KL: variants seen among roughly 807,000 people sequenced by gnomAD.
The protein encoded by KL is alpha-klotho.
Under a neutral mutation model 84.2 loss-of-function variants are expected in KL, and 62 were observed. That is an observed-to-expected ratio of 0.74 (90% CI 0.60 to 0.91). The LOEUF (loss-of-function observed/expected upper bound fraction) is 0.91, where lower values mean the gene tolerates loss of function less well. Ranked by LOEUF, KL falls within the 40% of genes least tolerant of loss-of-function variation. The probability of loss-of-function intolerance (pLI) is 0.00; values close to 1 mark genes in which losing one functional copy is unlikely to be tolerated. For missense variants in KL, 1,261 were observed against 1,305.7 expected, an observed-to-expected ratio of 0.97 and a Z score of 0.53; for synonymous variants, 528 against 528.0, an observed-to-expected ratio of 1.00 and a Z score of 0.00.
In KL at chr13:33,060,819, C is replaced by G; in HGVS notation, c.1740C>G (p.Pro580=). 1 of 1,614,184 alleles carries G rather than the reference C, an allele frequency of 6.2e-7. No individual in the cohort carries two copies. The highest frequency in any genetic ancestry group is 1.1e-5 in the South Asian group (1 of 91,082). ...SYCVDFAAIQ[P]QIALLQEMHV... ...GTGTTGACTTTGCTGCCATCCAGCC[C>G]CAGATCGCTTTACTCCAGGAAATGC... Residue 580 remains proline, a synonymous_variant, in exon 4 of 5, where the codon CCC becomes CCG. Coordinates refer to ENST00000380099, the MANE Select transcript of KL (RefSeq NM_004795.4).
intron 1 of KL, 128 bp downstream of exon 1, chr13:33,017,387 C>T (rs554596068): frequency 3.4e-6 from 3 of 888,986 alleles, no homozygotes; most frequent in Admixed American, 2.9e-5. Flanking sequence ...ATGTGGTCAC[C>T]GGGGGAAACT....
At chr13:33,049,483 T>C (rs1054265547) in intron 1 of KL, among the ~76,000 whole-genome samples, 2 of 152,162 alleles carry the variant, frequency 1.3e-5, no homozygotes, top group Non-Finnish European at 2.9e-5. Context: ...TAGAAACACA[T>C]AGAACAGACA....
rs187232158 is a variant in KL, at chr13:33,039,117, G to A, written c.820-14650G>A. ...ATTCCAAAATTAGGTAATACTGTAC[G>A]TGGTCTATCTATAGCTAACTATAGT... On this transcript the variant is annotated intron_variant, in intron 1 of 4. Coordinates refer to ENST00000380099, the MANE Select transcript of KL (RefSeq NM_004795.4). Among the ~76,000 whole-genome samples, 28 of 152,162 alleles carry A rather than the reference G, an allele frequency of 1.8e-4. No individual in the cohort carries two copies. In the East Asian group the frequency reaches 3.7e-3, roughly 20 times the overall value.
chr13:33,054,948 CTTTA>C (rs1035707821), intron 2 of KL, 95 bp from the exon 3 acceptor site: 7 of 1,476,842 alleles, frequency 4.7e-6, no homozygotes, highest in African/African-American at 1.4e-5. Flanking sequence ...AAGCATTACA[CTTTA>C]TTTATTTAAG....
rs760026965 is a variant in KL at position 33,060,968 on chromosome 13, A to G, written c.1889A>G (p.Asn630Ser). 9.9e-6 allele frequency: 16 copies of G among 1,611,798 alleles called. No individual in the cohort carries two copies. The highest frequency in any genetic ancestry group is 1.1e-5 in the South Asian group (1 of 90,986). The change falls in exon 4 of 5, where the codon AAC becomes AGC. Residue 630 changes from asparagine (N) to serine (S), a missense_variant. Physicochemically the swap from Asn to Ser is conservative, Grantham distance 46. Transcript: ENST00000380099. ...ATGGCCAGCGAGCTTGTCCGTGTCA[A>G]CATCACCCCAGTGGTGGCCCTGTGG... The part of the protein sequence containing the change: ...RCMASELVRV[N>S]ITPVVALWQP...
At chr13:33,037,213 A>T (rs1297538750) in intron 1 of KL, among the ~76,000 whole-genome samples, 9 of 152,174 alleles carry the variant, frequency 5.9e-5, no homozygotes, top group Non-Finnish European at 2.9e-5. Context: ...TCATTTCTGT[A>T]TTCTTAGCAC....
Position 33,064,009 on chromosome 13 carries a change from G to C in KL, c.2862G>C (p.Pro954=). ...YRKIIDSNGF[P]GPETLERFCP... ...AAATTATTGACAGCAATGGTTTCCCGGGCCCAGAAACTCTGGAAAGATTTT... is the reference window on the plus strand; with the variant it reads ...AAATTATTGACAGCAATGGTTTCCCCGGCCCAGAAACTCTGGAAAGATTTT... Residue 954 remains proline, a synonymous_variant, in exon 5 of 5, where the codon CCG becomes CCC. Coordinates refer to ENST00000380099, the MANE Select transcript of KL (RefSeq NM_004795.4). 6.2e-7 allele frequency: 1 copy of C among 1,614,098 alleles called. No individual in the cohort carries two copies.
Position 33,017,318 on chromosome 13 carries a change from G to C in KL, c.819+59G>C. 3 of 1,435,444 alleles carry C rather than the reference G, an allele frequency of 2.1e-6. No individual in the cohort carries two copies. In the Admixed American group the frequency reaches 6.6e-5, roughly 32 times the overall value. The allele number at this position is 1,435,444 out of a possible 1,614,324, so 88.9% of individuals were successfully genotyped here. A position where few individuals can be genotyped will look rare whatever the true frequency, so the allele number is the denominator to read the frequency against. On this transcript the variant is annotated intron_variant, in intron 1 of 4. Transcript: ENST00000380099. ...GGGGAGACAGAGGGCCTCCACAGGG[G>C]CCAGGGGGAAGTGTGGGAACTGAGT...
chr13:33,061,710 CG>C lies in KL; in HGVS notation c.2634del (p.Leu879CysfsTer8), dbSNP rs1872213583. ...ACATAATATCCAATGGAATCGATGA[CG>C]GGCTGCATGCTGAGGACGACCAGCT... is the stretch of plus-strand genomic sequence containing the variant. ...MYIISNGIDDGLHAEDDQLRV... is the reference protein window; with the variant it reads ...MYIISNGIDDXLHAEDDQLRV... On this transcript the variant is annotated frameshift_variant, in exon 4 of 5. Coordinates refer to ENST00000380099, the MANE Select transcript of KL (RefSeq NM_004795.4). LOFTEE classifies it high-confidence loss of function. The C allele has an allele frequency of 1.2e-6, 2 of 1,613,652 alleles. No individual in the cohort carries two copies.
chr13:33,061,869 G>A, intron 4 of KL, 89 bp downstream of exon 4: 2 of 1,343,978 alleles, frequency 1.5e-6, no homozygotes, highest in South Asian at 1.2e-5. Flanking sequence ...AACACACACT[G>A]CCACCCTTGG....
At chr13:33,027,791 CT>C (rs1870833196) in intron 1 of KL, among the ~76,000 whole-genome samples, 1 of 152,200 alleles carries the variant, frequency 6.6e-6, no homozygotes, top group African/African-American at 2.4e-5. Context: ...ATTCTCTTTG[CT>C]TTCCAGAAAG....
Position 33,064,089 on chromosome 13 carries a change from C to G in KL, c.2942C>G (p.Ser981Cys). 1 of 1,614,012 alleles carries G rather than the reference C, an allele frequency of 6.2e-7. No individual in the cohort carries two copies. Among genetic ancestry groups the G allele is most frequent in the Non-Finnish European group, 8.5e-7 (1 of 1,179,898 alleles). ...TGCAGTTTTTTTCACACCCGAAAGT[C>G]TTTACTGGCTTTCATAGCTTTTCTA... ...TECSFFHTRK[S>C]LLAFIAFLFF... is the part of the protein sequence containing the mutation. Residue 981 changes from serine to cysteine, a missense_variant, in exon 5 of 5, where the codon TCT becomes TGT. Transcript: ENST00000380099.
Position 33,060,720 on chromosome 13 carries a change from C to T in KL, c.1641C>T (p.Tyr547=), listed in dbSNP as rs1220675613. The T allele has an allele frequency of 4.3e-6, 7 of 1,613,998 alleles. No homozygotes were observed. The highest frequency in any genetic ancestry group is 5.9e-6 in the Non-Finnish European group (7 of 1,179,992). The part of the protein sequence containing the change: ...TLSQFTDLNV[Y]LWDVHHSKRL... ...CTCAGTTTACCGACCTGAATGTTTACCTGTGGGATGTCCACCACAGTAAAA... is the reference window on the plus strand; with the variant it reads ...CTCAGTTTACCGACCTGAATGTTTATCTGTGGGATGTCCACCACAGTAAAA... Residue 547 remains tyrosine, a synonymous_variant, in exon 4 of 5, where the codon TAC becomes TAT. Coordinates refer to ENST00000380099, the MANE Select transcript of KL (RefSeq NM_004795.4).
chr13:33,062,672 CAAAAAAAAAAAAA>C (rs35287139), intron 4 of KL, among the ~76,000 whole-genome samples: 5 of 68,112 alleles, frequency 7.3e-5, no homozygotes, highest in Non-Finnish European at 1.0e-4. Flanking sequence ...GACTCCATCT[CAAAAAAAAAAAAA>C]AAAAAAAAAG....
chr13:33,059,799 G>T (rs1158200487), intron 3 of KL, among the ~76,000 whole-genome samples: 1 of 152,054 alleles, frequency 6.6e-6, no homozygotes, highest in Non-Finnish European at 1.5e-5. Flanking sequence ...CCATCAGTCA[G>T]ATTGAATTTG....
At chr13:33,031,033 G>A (rs1046739179) in intron 1 of KL, among the ~76,000 whole-genome samples, 1 of 152,096 alleles carries the variant, frequency 6.6e-6, no homozygotes, top group African/African-American at 2.4e-5. Flanking sequence ...TACAGGTCAG[G>A]AAATTTGTAA....
chr13:33,029,185 C>G (rs1870882821), intron 1 of KL, among the ~76,000 whole-genome samples: 1 of 152,164 alleles, frequency 6.6e-6, no homozygotes, highest in South Asian at 2.1e-4. Context: ...TAGCATTACA[C>G]TCTGTAGAGC....
chr13:33,020,169 T>C (rs1487307956), intron 1 of KL, among the ~76,000 whole-genome samples: 1 of 152,154 alleles, frequency 6.6e-6, no homozygotes, highest in Non-Finnish European at 1.5e-5. Flanking sequence ...GGCTAGGAGA[T>C]ATTAATCTGG....
At chr13:33,041,642 G>C (rs879409890) in intron 1 of KL, among the ~76,000 whole-genome samples, 1 of 151,912 alleles carries the variant, frequency 6.6e-6, no homozygotes, top group Admixed American at 6.6e-5. Flanking sequence ...TTTGCCCAAG[G>C]TCCCACAGCT....
Sources: allele counts gnomAD v4.1 joint callset (sites outside exome capture counted in the v4.1 genomes callset), GRCh38; gene constraint gnomAD v4.1.1; transcripts MANE v1.5; gene names NCBI Gene and HGNC (gene_info 2026-07-23, HGNC 2026-07-21).